AKAP13: variants seen among roughly 807,000 people sequenced by gnomAD.
The protein encoded by AKAP13 is A-kinase anchoring protein 13.
Under a neutral mutation model 264.5 loss-of-function variants are expected in AKAP13, and 80 were observed. The ratio of observed to expected loss-of-function variants is 0.30; its 90% confidence interval spans 0.25 to 0.36. The LOEUF is 0.36. Ranked by LOEUF, AKAP13 falls within the 10% of genes least tolerant of loss-of-function variation. The pLI, the probability that AKAP13 is intolerant of heterozygous loss-of-function variation, is 1.00. For synonymous variants in AKAP13, 1,380 were observed against 1,250.2 expected (o/e 1.10, Z -2.19); for missense variants, 3,712 against 3,435.2 (o/e 1.08, Z -2.01).
chr15:85,684,924 A>G, intron 16 of AKAP13, 51 bp downstream of exon 16: 2 of 1,570,848 alleles, frequency 1.3e-6, no homozygotes, highest in Non-Finnish European at 1.7e-6. Context: ...GGATCCTGTC[A>G]CAGCCTGCAT....
intron 5 of AKAP13, among the ~76,000 whole-genome samples, chr15:85,559,184 A>C (rs1230346384): frequency 6.6e-6 from 1 of 152,170 alleles, no homozygotes; most frequent in African/African-American, 2.4e-5. Flanking sequence ...CAGCCTCACT[A>C]AGTGGCGTGA....
chr15:85,685,718 C>T (rs1377519867), intron 16 of AKAP13, among the ~76,000 whole-genome samples: 2 of 152,108 alleles, frequency 1.3e-5, no homozygotes, highest in East Asian at 3.9e-4. Flanking sequence ...GGTCTAATGC[C>T]TTACCTCAAA....
intron 1 of AKAP13, among the ~76,000 whole-genome samples, chr15:85,445,147 T>G (rs183399714): frequency 6.6e-6 from 1 of 152,314 alleles, no homozygotes; most frequent in African/African-American, 2.4e-5. Flanking sequence ...TCAAAACAGT[T>G]CTTTGGAATG....
At chr15:85,601,190 T>C (rs1045398986) in intron 8 of AKAP13, among the ~76,000 whole-genome samples, 4 of 152,224 alleles carry the variant, frequency 2.6e-5, no homozygotes, top group African/African-American at 4.8e-5. Flanking sequence ...GAGTTACTCA[T>C]GTCAGTTTAC....
intron 16 of AKAP13, among the ~76,000 whole-genome samples, chr15:85,687,771 T>C (rs1021968363): frequency 6.6e-6 from 1 of 152,106 alleles, no homozygotes; most frequent in Non-Finnish European, 1.5e-5. Context: ...TGGGGCACAG[T>C]GGTACACACC....
intron 2 of AKAP13, among the ~76,000 whole-genome samples, chr15:85,503,325 A>C (rs932709107): frequency 1.1e-4 from 16 of 152,216 alleles, no homozygotes; most frequent in Admixed American, 6.5e-5. Context: ...TTAAATACAC[A>C]GCTGGTAACA....
intron 8 of AKAP13, among the ~76,000 whole-genome samples, chr15:85,589,358 G>A (rs2079493830): frequency 6.6e-6 from 1 of 152,032 alleles, no homozygotes; most frequent in Admixed American, 6.5e-5. Flanking sequence ...GTGTCACTGT[G>A]CTTCAATACA....
rs114372015 is a variant in AKAP13 at position 85,478,995 on chromosome 15, G to A, written c.-11-6715G>A. On this transcript the variant is annotated intron_variant, in intron 1 of 36. Coordinates refer to ENST00000394518, the MANE Select transcript of AKAP13 (RefSeq NM_007200.5). Reference sequence around the variant, plus strand: ...TCATGTGTACTAAGGTTCAAGAATCGCTGCTTAAAACTAACTGCTCAATTA... The same window carrying A: ...TCATGTGTACTAAGGTTCAAGAATCACTGCTTAAAACTAACTGCTCAATTA... Among the ~76,000 whole-genome samples, 987 of 152,230 alleles carry A rather than the reference G, an allele frequency of 6.5e-3. 10 individuals are homozygous for A. Among genetic ancestry groups the A allele is most frequent in the African/African-American group, 0.022 (934 of 41,526 alleles).
At chr15:85,446,766 C>A (rs181951059) in intron 1 of AKAP13, among the ~76,000 whole-genome samples, 117 of 148,408 alleles carry the variant, frequency 7.9e-4, no homozygotes, top group African/African-American at 2.8e-3. Context: ...GCTTTCCAGC[C>A]CTTCTTAAAG....
intron 1 of AKAP13, among the ~76,000 whole-genome samples, chr15:85,384,718 A>G (rs1161991189): frequency 2.3e-5 from 2 of 85,650 alleles, no homozygotes; most frequent in Non-Finnish European, 7.7e-5. Context: ...CTCCGTCTGA[A>G]AAAAAAAAAA....
intron 36 of AKAP13, 69 bp from the exon 37 acceptor site, chr15:85,744,559 T>TGGGG: frequency 6.5e-7 from 1 of 1,535,590 alleles, no homozygotes. Context: ...GACTTTGGGA[T>TGGGG]GGGGAGGAAG....
intron 1 of AKAP13, among the ~76,000 whole-genome samples, chr15:85,392,205 T>C (rs1426968747): frequency 6.6e-6 from 1 of 151,988 alleles, no homozygotes; most frequent in East Asian, 1.9e-4. Flanking sequence ...CCATTTTTTT[T>C]TTTACTATGT....
rs779388144 is a variant in AKAP13 at position 85,527,105 on chromosome 15, G to GGCGCCCGCCACC, written c.181+5531_181+5542dup. 2.3e-3 allele frequency among the ~76,000 whole-genome samples: 356 copies of GGCGCCCGCCACC among 152,214 alleles called. 4 individuals carry two copies. The highest frequency in any genetic ancestry group is 4.1e-3 in the Non-Finnish European group (277 of 68,010). On this transcript the variant is annotated intron_variant, in intron 3 of 36. Coordinates refer to ENST00000394518, the MANE Select transcript of AKAP13 (RefSeq NM_007200.5). ...GAGTTCCCGAGTAGCTGGGACTACA[G>GGCGCCCGCCACC]GCGCCCGCCACCACGCCCGGCTAAG...
At chr15:85,503,071 G>A (rs1401309252) in intron 2 of AKAP13, among the ~76,000 whole-genome samples, 2 of 152,100 alleles carry the variant, frequency 1.3e-5, no homozygotes, top group Non-Finnish European at 2.9e-5. Flanking sequence ...TGTATGCTAC[G>A]TACTTGGTAT....
chr15:85,583,737 G>A (rs1218672295), intron 7 of AKAP13, among the ~76,000 whole-genome samples: 1 of 152,182 alleles, frequency 6.6e-6, no homozygotes, highest in Non-Finnish European at 1.5e-5. Flanking sequence ...AGTATCCTAT[G>A]AGAAAAAGTA....
chr15:85,599,514 C>A (rs729857), intron 8 of AKAP13, among the ~76,000 whole-genome samples: 112,826 of 152,024 alleles, frequency 0.74, 42,366 homozygotes, highest in African/African-American at 0.87. Context: ...TCAGAGTTAC[C>A]GTGTATCTCT....
intron 1 of AKAP13, chr15:85,415,676 G>A (rs1176456304): frequency 1.8e-6 from 2 of 1,104,290 alleles, no homozygotes; most frequent in African/African-American, 3.1e-5. Flanking sequence ...CTAAGAGAAT[G>A]ACCAAGCTCA....
chr15:85,732,335 G>A (rs2088106948), intron 30 of AKAP13, among the ~76,000 whole-genome samples: 1 of 151,920 alleles, frequency 6.6e-6, no homozygotes, highest in Non-Finnish European at 1.5e-5. Flanking sequence ...TATATTTTCA[G>A]ACCACAGTCT....
At chr15:85,546,329 C>T (rs1017858358) in intron 5 of AKAP13, among the ~76,000 whole-genome samples, 72 of 149,960 alleles carry the variant, frequency 4.8e-4, no homozygotes, top group African/African-American at 9.2e-4. Context: ...CAAACACACA[C>T]ACACACACAC....
Sources: gnomAD v4.1 joint callset for allele counts (sites outside exome capture counted in the v4.1 genomes callset) on GRCh38, gnomAD v4.1.1 for gene constraint, MANE v1.5 for transcripts, NCBI Gene and HGNC (gene_info 2026-07-23, HGNC 2026-07-21) for gene names.